ANKRD27: variants seen among roughly 807,000 people sequenced by gnomAD.
The protein encoded by ANKRD27 is ankyrin repeat domain-containing protein 27.
A neutral mutation model predicts 129.7 loss-of-function variants in ANKRD27; 112 were observed. That is an observed-to-expected ratio of 0.86 (90% confidence interval 0.74 to 1.01). The LOEUF is 1.01. Ranked by LOEUF, ANKRD27 falls within the 50% of genes least tolerant of loss-of-function variation. ANKRD27 has a pLI of 0.00. For synonymous variants in ANKRD27, 516 were observed against 511.2 expected (o/e 1.01, Z -0.13); for missense variants, 1,258 against 1,300.5 (o/e 0.97, Z 0.50).
At chr19:32,628,952 G>A (rs533050869) in intron 13 of ANKRD27, 103 bp from the exon 14 acceptor site, 19 of 1,328,026 alleles carry the variant, frequency 1.4e-5, no homozygotes, top group South Asian at 1.0e-4. Context: ...ATGGAGTCTC[G>A]TCCTGTCGCC....
chr19:32,614,758 G>A (rs540194267), intron 22 of ANKRD27, among the ~76,000 whole-genome samples: 1 of 152,224 alleles, frequency 6.6e-6, no homozygotes, highest in East Asian at 1.9e-4. Flanking sequence ...TATCTTGAAT[G>A]TGATGGTGGA....
At chr19:32,599,497 G>A (rs1419571264) in intron 28 of ANKRD27, among the ~76,000 whole-genome samples, 6 of 152,180 alleles carry the variant, frequency 3.9e-5, no homozygotes, top group Non-Finnish European at 7.3e-5. Context: ...CCACTCCTCT[G>A]CTCAGAAATG....
chr19:32,629,588 G>A (rs1213852539), intron 13 of ANKRD27, among the ~76,000 whole-genome samples: 2 of 151,932 alleles, frequency 1.3e-5, no homozygotes, highest in Non-Finnish European at 2.9e-5. Context: ...TAATCCCAGC[G>A]ACTCGGGAGG....
chr19:32,621,393 A>G (rs1972007885), intron 18 of ANKRD27, among the ~76,000 whole-genome samples: 1 of 152,176 alleles, frequency 6.6e-6, no homozygotes, highest in Non-Finnish European at 1.5e-5. Context: ...TTGGGAGGCC[A>G]AGGTGGGTGG....
intron 1 of ANKRD27, among the ~76,000 whole-genome samples, chr19:32,660,774 T>C (rs1215863955): frequency 2.0e-5 from 3 of 152,224 alleles, no homozygotes; most frequent in Admixed American, 6.5e-5. Context: ...TTCATTTTCA[T>C]TGGTTCATTA....
Position 32,597,285 on chromosome 19 carries a change from AAATT to A in ANKRD27, c.*856_*859del, listed in dbSNP as rs1971584399. ...TTTATAAAAAGGAATAAATGGCAAT[AAATT>A]CTAACCGAAAGTAACTCTGACCTGG... is the stretch of plus-strand genomic sequence containing the variant. On this transcript the variant is annotated 3_prime_UTR_variant, in exon 29 of 29. Coordinates refer to ENST00000306065, the MANE Select transcript of ANKRD27 (RefSeq NM_032139.3). 1 of 152,664 alleles carries A rather than the reference AAATT, an allele frequency of 6.6e-6. No individual in the cohort carries two copies. Among genetic ancestry groups the A allele is most frequent in the African/African-American group, 2.4e-5 (1 of 41,472 alleles). The allele number at this position is 152,664 out of a possible 1,614,324, so 9.5% of individuals were successfully genotyped here.
intron 12 of ANKRD27, chr19:32,638,222 T>A (rs1967127431): frequency 6.6e-6 from 1 of 152,016 alleles, no homozygotes; most frequent in African/African-American, 2.4e-5. Context: ...CAGCACATAC[T>A]CCCTCCCTTC....
At chr19:32,637,277 T>C (rs1967108510) in intron 12 of ANKRD27, 1 of 152,182 alleles carries the variant, frequency 6.6e-6, no homozygotes, top group Non-Finnish European at 1.5e-5. Context: ...CACCTTATAA[T>C]ACAGAGATCT....
intron 1 of ANKRD27, chr19:32,666,479 T>G (rs1434720077): frequency 1.3e-5 from 2 of 152,196 alleles, no homozygotes; most frequent in Non-Finnish European, 2.9e-5. Context: ...TGTTGCTGTC[T>G]GCAGACTGCT....
At chr19:32,608,096 T>C (rs1971776669) in intron 22 of ANKRD27, among the ~76,000 whole-genome samples, 1 of 151,078 alleles carries the variant, frequency 6.6e-6, no homozygotes, top group Admixed American at 6.6e-5. Flanking sequence ...CTCGACCTCC[T>C]AGGCTCAAGT....
chr19:32,650,801 G>A (rs1443906285), intron 2 of ANKRD27, among the ~76,000 whole-genome samples: 1 of 147,018 alleles, frequency 6.8e-6, no homozygotes, highest in Non-Finnish European at 1.5e-5. Context: ...CGAGGCTGGA[G>A]TGCAGTGGCG....
At chr19:32,673,157 C>A in intron 1 of ANKRD27, 3 of 303,148 alleles carry the variant, frequency 9.9e-6, no homozygotes, top group Non-Finnish European at 9.7e-6. Context: ...CCTCTGCAGA[C>A]ACCTCTGCCT....
chr19:32,621,678 C>T (rs1162743320), intron 18 of ANKRD27, among the ~76,000 whole-genome samples: 2 of 152,172 alleles, frequency 1.3e-5, no homozygotes, highest in Admixed American at 6.5e-5. Context: ...AAAGTCAGGC[C>T]TGTACAAACG....
chr19:32,657,533 A>G (rs867339586), intron 2 of ANKRD27, among the ~76,000 whole-genome samples: 2 of 151,392 alleles, frequency 1.3e-5, no homozygotes, highest in African/African-American at 4.9e-5. Context: ...AGGCCGAGGC[A>G]AATCACTTGA....
intron 2 of ANKRD27, among the ~76,000 whole-genome samples, chr19:32,650,046 C>G (rs746372466): frequency 6.6e-6 from 1 of 152,154 alleles, no homozygotes; most frequent in Non-Finnish European, 1.5e-5. Context: ...GCGAACAGTA[C>G]AAATCCTTCT....
chr19:32,619,458 C>A, intron 19 of ANKRD27, 36 bp downstream of exon 19: 1 of 1,614,030 alleles, frequency 6.2e-7, no homozygotes, highest in Non-Finnish European at 8.5e-7. Context: ...CCTTGGTCTC[C>A]AAGGTAACCT....
chr19:32,644,835 G>T (rs963645918), intron 4 of ANKRD27, among the ~76,000 whole-genome samples: 1 of 152,194 alleles, frequency 6.6e-6, no homozygotes, highest in African/African-American at 2.4e-5. Flanking sequence ...GGGGCTGGGC[G>T]CTATAAGAGA....
intron 2 of ANKRD27, among the ~76,000 whole-genome samples, chr19:32,651,883 C>T (rs1967423509): frequency 2.6e-5 from 4 of 152,172 alleles, no homozygotes; most frequent in African/African-American, 7.2e-5. Context: ...AGGACCAACC[C>T]TTCCCCCAAC....
At chr19:32,670,947 T>C (rs1385032946) in intron 1 of ANKRD27, among the ~76,000 whole-genome samples, 1 of 151,674 alleles carries the variant, frequency 6.6e-6, no homozygotes, top group Admixed American at 6.6e-5. Flanking sequence ...GATCACACCA[T>C]TGCACTCCAG....
Sources: allele counts gnomAD v4.1 joint callset (sites outside exome capture counted in the v4.1 genomes callset), GRCh38; gene constraint gnomAD v4.1.1; transcripts MANE v1.5; gene names NCBI Gene and HGNC (gene_info 2026-07-23, HGNC 2026-07-21).